CYP7B1: variants seen among roughly 807,000 people sequenced by gnomAD.
CYP7B1 encodes the protein cytochrome P450 7B1.
CYP7B1 carries 29 observed loss-of-function variants against 42.7 expected under a neutral mutation model. The observed-to-expected ratio is 0.68, with a 90% CI of 0.51 to 0.93. The LOEUF is 0.93. Among genes scored for constraint, CYP7B1 ranks in the 40% least tolerant of loss-of-function variants. The pLI is 0.00. For synonymous variants in CYP7B1, 235 were observed against 218.2 expected (o/e 1.08, Z -0.68); for missense variants, 655 against 600.5 (o/e 1.09, Z -0.95).
At chr8:64,779,113 T>C (rs980494029) in intron 1 of CYP7B1, among the ~76,000 whole-genome samples, 1 of 152,100 alleles carries the variant, frequency 6.6e-6, no homozygotes, top group Non-Finnish European at 1.5e-5. Flanking sequence ...GCTCTTAATA[T>C]TTTCATTTTT....
chr8:64,764,945 G>A (rs1013054731), intron 1 of CYP7B1, among the ~76,000 whole-genome samples: 1 of 150,412 alleles, frequency 6.6e-6, no homozygotes, highest in East Asian at 1.9e-4. Flanking sequence ...ACCTAGACAG[G>A]ACGATAGATG....
chr8:64,653,163 A>G (rs895812525), intron 1 of CYP7B1, among the ~76,000 whole-genome samples: 17 of 152,252 alleles, frequency 1.1e-4, no homozygotes, highest in African/African-American at 4.1e-4. Flanking sequence ...GCTGAACTGA[A>G]TAAAATTGAG....
Position 64,596,472 on chromosome 8 carries a change from T to A in CYP7B1, c.*170A>T. The A allele has an allele frequency of 1.5e-6, 1 of 655,210 alleles. No individual in the cohort carries two copies. Among genetic ancestry groups the A allele is most frequent in the South Asian group, 2.2e-5 (1 of 46,310 alleles). The allele number at this position is 655,210 out of a possible 1,614,324, so 40.6% of individuals were successfully genotyped here. ...TTCCTGCCACCATCCTGTTTTATAT[T>A]ATGATGGGCTTTGTGACTAAGGACA... is the stretch of plus-strand genomic sequence containing the variant. On this transcript the variant is annotated 3_prime_UTR_variant, in exon 6 of 6. Coordinates refer to ENST00000310193, the MANE Select transcript of CYP7B1 (RefSeq NM_004820.5).
At chr8:64,672,808 T>C (rs569573271) in intron 1 of CYP7B1, among the ~76,000 whole-genome samples, 2 of 152,212 alleles carry the variant, frequency 1.3e-5, no homozygotes, top group East Asian at 3.9e-4. Context: ...GTAATAAGTA[T>C]GTTAATAGTT....
intron 4 of CYP7B1, among the ~76,000 whole-genome samples, chr8:64,607,398 T>TA (rs5891968): frequency 0.066 from 9,448 of 143,954 alleles, 368 homozygotes; most frequent in South Asian, 0.16. Context: ...GCTCTAGAAT[T>TA]AAAAAAAAAA....
In CYP7B1 at chr8:64,593,232, G is replaced by GGGGGTGT. The variant is rs1285868725; in HGVS notation, c.*3409_*3410insACACCCC. On this transcript the variant is annotated 3_prime_UTR_variant, in exon 6 of 6. Coordinates refer to ENST00000310193, the MANE Select transcript of CYP7B1 (RefSeq NM_004820.5). ...TGGTGGACTAAAGGCTAGGGCCCAGGGTGTGTGTGTGTGTGTGTGTGTGTG... is the reference window on the plus strand; with the variant it reads ...TGGTGGACTAAAGGCTAGGGCCCAGGGGGGTGTGTGTGTGTGTGTGTGTGTGTGTGTG... Among the ~76,000 whole-genome samples, 6 of 123,454 alleles carry GGGGGTGT rather than the reference G, an allele frequency of 4.9e-5. No individual in the cohort carries two copies. The East Asian group carries it at 9.2e-4, about 19-fold the overall frequency. The allele number at this position is 123,454 out of a possible 152,430, so 81.0% of individuals were successfully genotyped here. A position where few individuals can be genotyped will look rare whatever the true frequency, so the allele number is the denominator to read the frequency against.
intron 1 of CYP7B1, among the ~76,000 whole-genome samples, chr8:64,648,918 A>G (rs945093941): frequency 6.6e-6 from 1 of 152,228 alleles, no homozygotes; most frequent in African/African-American, 2.4e-5. Context: ...ATACCTTGTC[A>G]TAGCCTATAA....
chr8:64,687,334 C>A (rs1436592058), intron 1 of CYP7B1, among the ~76,000 whole-genome samples: 2 of 152,182 alleles, frequency 1.3e-5, no homozygotes, highest in Non-Finnish European at 2.9e-5. Context: ...AAAGACCACA[C>A]ATTGTATCAT....
chr8:64,710,203 G>C (rs1253254783), intron 1 of CYP7B1, among the ~76,000 whole-genome samples: 3 of 152,080 alleles, frequency 2.0e-5, no homozygotes, highest in African/African-American at 4.8e-5. Context: ...GATCTGACCA[G>C]GTCACCCCAT....
intron 1 of CYP7B1, among the ~76,000 whole-genome samples, chr8:64,764,753 C>T (rs1197384336): frequency 2.0e-5 from 3 of 152,110 alleles, no homozygotes; most frequent in Admixed American, 2.0e-4. Flanking sequence ...GCATACCTCA[C>T]CAGTTCAGAC....
intron 1 of CYP7B1, among the ~76,000 whole-genome samples, chr8:64,630,251 G>A (rs2129630608): frequency 6.6e-6 from 1 of 152,312 alleles, no homozygotes; most frequent in East Asian, 1.9e-4. Context: ...AGTCTTCAGT[G>A]TTTTCAGTCA....
chr8:64,587,480 C>T (rs1252504142), downstream of CYP7B1, among the ~76,000 whole-genome samples: 1 of 152,184 alleles, frequency 6.6e-6, no homozygotes, highest in East Asian at 1.9e-4. Context: ...CATGTGGGTT[C>T]ACACGCAGCT....
At chr8:64,604,342 T>C (rs1805244302) in intron 5 of CYP7B1, among the ~76,000 whole-genome samples, 1 of 152,204 alleles carries the variant, frequency 6.6e-6, no homozygotes, top group Non-Finnish European at 1.5e-5. Flanking sequence ...CACCTGTCAA[T>C]AGCTAGCCCT....
intron 1 of CYP7B1, among the ~76,000 whole-genome samples, chr8:64,708,381 T>A (rs1023086813): frequency 2.0e-5 from 3 of 152,188 alleles, no homozygotes; most frequent in African/African-American, 7.2e-5. Flanking sequence ...AGCCAATATG[T>A]CACCACCTTT....
chr8:64,738,183 T>C (rs563150209), intron 1 of CYP7B1, among the ~76,000 whole-genome samples: 1 of 152,232 alleles, frequency 6.6e-6, no homozygotes, highest in Non-Finnish European at 1.5e-5. Flanking sequence ...GTAAAAATAC[T>C]TTTCTAACTC....
chr8:64,716,192 T>C (rs1807151969), intron 1 of CYP7B1, among the ~76,000 whole-genome samples: 2 of 152,250 alleles, frequency 1.3e-5, no homozygotes, highest in Non-Finnish European at 1.5e-5. Context: ...TTAGAAGTGG[T>C]TGCTTAAGTC....
chr8:64,629,571 A>G (rs1805659254), intron 1 of CYP7B1, among the ~76,000 whole-genome samples: 1 of 151,946 alleles, frequency 6.6e-6, no homozygotes, highest in African/African-American at 2.4e-5. Context: ...GATATACATT[A>G]CAGTATCTGA....
chr8:64,623,192 T>C (rs1805557263), intron 2 of CYP7B1, among the ~76,000 whole-genome samples: 1 of 152,184 alleles, frequency 6.6e-6, no homozygotes, highest in South Asian at 2.1e-4. Flanking sequence ...CTGCTACTCC[T>C]TCCAGGAAGA....
chr8:64,606,629 T>C (rs955034257), intron 4 of CYP7B1, among the ~76,000 whole-genome samples: 1 of 152,178 alleles, frequency 6.6e-6, no homozygotes, highest in African/African-American at 2.4e-5. Flanking sequence ...AAATGACAAT[T>C]GGGCAAGCAT....
Sources: gnomAD v4.1 joint callset for allele counts (sites outside exome capture counted in the v4.1 genomes callset) on GRCh38, gnomAD v4.1.1 for gene constraint, MANE v1.5 for transcripts, NCBI Gene and HGNC (gene_info 2026-07-23, HGNC 2026-07-21) for gene names.